Variants in ARFGEF3 observed in about 807,000 individuals in gnomAD.
The protein encoded by ARFGEF3 is brefeldin A-inhibited guanine nucleotide-exchange protein 3.
Under a neutral mutation model 221.7 loss-of-function variants are expected in ARFGEF3, and 96 were observed. The ratio of observed to expected loss-of-function variants is 0.43; its 90% CI spans 0.37 to 0.51. ARFGEF3 has a LOEUF of 0.51. Among genes scored for constraint, ARFGEF3 ranks in the 20% least tolerant of loss-of-function variants. The pLI is 0.00. For synonymous variants in ARFGEF3, 1,145 were observed against 1,126.8 expected (o/e 1.02, Z -0.32); for missense variants, 2,410 against 2,789.9 (o/e 0.86, Z 3.07).
At position 138,336,550 on chromosome 6, in the gene ARFGEF3, C is replaced by T. The variant is rs1216727591; in HGVS notation, c.*64C>T. On this transcript the variant is annotated 3_prime_UTR_variant, in exon 34 of 34. Transcript: ENST00000251691. ...GAGGGTTAGAGTCCTGCCAATACAG[C>T]TGTTGCATTTTCCCCACCACTAGCC... 2.2e-6 allele frequency: 3 copies of T among 1,352,724 alleles called. No homozygotes were observed. In the East Asian group the frequency reaches 7.5e-5, roughly 34 times the overall value. The allele number at this position is 1,352,724 out of a possible 1,614,324, so 83.8% of individuals were successfully genotyped here.
chr6:138,262,956 G>A lies in ARFGEF3; in HGVS notation c.1473G>A (p.Thr491=), dbSNP rs555638152. 18 of 1,600,520 alleles carry A rather than the reference G, an allele frequency of 1.1e-5. No homozygotes were observed. The highest frequency in any genetic ancestry group is 5.4e-5 in the African/African-American group (4 of 74,744). The change falls in exon 12 of 34, where the codon ACG becomes ACA. Residue 491 remains threonine (T), a synonymous_variant. Transcript: ENST00000251691. Reference sequence around the variant, plus strand: ...GGCGAGTGCTGTCCTCAGAACACACGCCGTGGGAGTCAGGGAACGAGAGGA... The same window carrying A: ...GGCGAGTGCTGTCCTCAGAACACACACCGTGGGAGTCAGGGAACGAGAGGA... ...WQRRVLSSEH[T]PWESGNERSL...
chr6:138,168,329 G>A (rs184573352), intron 1 of ARFGEF3, among the ~76,000 whole-genome samples: 12 of 152,312 alleles, frequency 7.9e-5, no homozygotes, highest in East Asian at 7.7e-4. Context: ...GGGTATTCAC[G>A]GAAAACCTTA....
At chr6:138,272,844 A>G (rs1252292443) in intron 12 of ARFGEF3, among the ~76,000 whole-genome samples, 1 of 152,272 alleles carries the variant, frequency 6.6e-6, no homozygotes, top group African/African-American at 2.4e-5. Context: ...TTTGGAAAAT[A>G]GTTTGTATGT....
intron 4 of ARFGEF3, among the ~76,000 whole-genome samples, chr6:138,227,957 C>T (rs1186371473): frequency 2.0e-5 from 3 of 152,106 alleles, no homozygotes; most frequent in Non-Finnish European, 4.4e-5. Flanking sequence ...GCCATGGGAC[C>T]ACCACTGTGT....
chr6:138,162,201 G>T lies in ARFGEF3; in HGVS notation c.85+30G>T, dbSNP rs762781072. 17 of 1,556,730 alleles carry T rather than the reference G, an allele frequency of 1.1e-5. No individual in the cohort carries two copies. Among genetic ancestry groups the T allele is most frequent in the Non-Finnish European group, 1.4e-5 (16 of 1,141,206 alleles). ...GCGTCCGGCACCTGCTCGCCGCGGC[G>T]GGAGGGCCGCGCGGCCGGGGCTGAA... On this transcript the variant is annotated intron_variant, in intron 1 of 33. Transcript: ENST00000251691. This position sits in a 1 kb window ranked among gnomAD's most constrained non-coding sequence, Gnocchi z 4.7.
At chr6:138,286,944 C>T (rs370372166) in intron 16 of ARFGEF3, 28 bp downstream of exon 16, 32 of 1,608,418 alleles carry the variant, frequency 2.0e-5, no homozygotes, top group Admixed American at 1.0e-4. Flanking sequence ...GTTCCCTGGC[C>T]GTGGTCCTGC....
At chr6:138,289,705 C>A in intron 17 of ARFGEF3, 113 bp from the exon 18 acceptor site, 1 of 1,140,908 alleles carries the variant, frequency 8.8e-7, no homozygotes, top group Non-Finnish European at 1.3e-6. Flanking sequence ...TGCTTGCTGC[C>A]ACTGAAGTCT....
chr6:138,269,479 C>A (rs966136377), intron 12 of ARFGEF3, among the ~76,000 whole-genome samples: 2 of 152,168 alleles, frequency 1.3e-5, no homozygotes, highest in African/African-American at 2.4e-5. Context: ...TATGCTGCCT[C>A]TGTCAGTTAG....
intron 8 of ARFGEF3, among the ~76,000 whole-genome samples, chr6:138,248,426 G>T (rs994012466): frequency 2.3e-4 from 35 of 152,200 alleles, no homozygotes; most frequent in African/African-American, 8.4e-4. Context: ...GGAATAGAAC[G>T]AAGACCACCA....
intron 2 of ARFGEF3, among the ~76,000 whole-genome samples, chr6:138,174,079 G>T (rs76259268): frequency 0.044 from 6,676 of 152,152 alleles, 169 homozygotes; most frequent in Middle Eastern, 0.092. Flanking sequence ...AAAACAATTT[G>T]GAAGGAAGAG....
intron 11 of ARFGEF3, among the ~76,000 whole-genome samples, chr6:138,261,943 C>T (rs1778804552): frequency 6.6e-6 from 1 of 152,076 alleles, no homozygotes; most frequent in African/African-American, 2.4e-5. Flanking sequence ...CATATGTAGC[C>T]CCCCTAGAAA....
At chr6:138,218,477 G>A (rs900271614) in intron 4 of ARFGEF3, 115 of 1,455,206 alleles carry the variant, frequency 7.9e-5, no homozygotes, top group African/African-American at 2.9e-4. Flanking sequence ...TAGCCACCTC[G>A]ATATATTTAA....
At chr6:138,282,555 G>A (rs1018950007) in intron 14 of ARFGEF3, among the ~76,000 whole-genome samples, 1 of 152,130 alleles carries the variant, frequency 6.6e-6, no homozygotes, top group Non-Finnish European at 1.5e-5. Flanking sequence ...TAGGAATCAG[G>A]CAGAAGGTCA....
chr6:138,284,327 A>G (rs1375277258), intron 14 of ARFGEF3, among the ~76,000 whole-genome samples: 2 of 152,068 alleles, frequency 1.3e-5, no homozygotes, highest in African/African-American at 4.8e-5. Context: ...ACAAAAACAA[A>G]CAAAAAACCC....
intron 31 of ARFGEF3, 148 bp downstream of exon 31, chr6:138,324,302 C>A: frequency 2.2e-6 from 2 of 896,612 alleles, no homozygotes; most frequent in Non-Finnish European, 3.3e-6. Context: ...CACTACCATT[C>A]TTTGCCAGAA....
intron 2 of ARFGEF3, among the ~76,000 whole-genome samples, chr6:138,175,162 G>T (rs1776915520): frequency 6.6e-6 from 1 of 152,208 alleles, no homozygotes; most frequent in Non-Finnish European, 1.5e-5. Flanking sequence ...AGCAACAAGG[G>T]TAGGAATTAA....
chr6:138,268,974 C>G (rs1022709235), intron 12 of ARFGEF3, among the ~76,000 whole-genome samples: 2 of 152,262 alleles, frequency 1.3e-5, no homozygotes, highest in African/African-American at 4.8e-5. Flanking sequence ...CACTTGGTCT[C>G]TGCCCTCCCT....
intron 19 of ARFGEF3, 68 bp from the exon 20 acceptor site, chr6:138,293,925 A>G: frequency 6.6e-7 from 1 of 1,505,108 alleles, no homozygotes; most frequent in Non-Finnish European, 9.1e-7. Flanking sequence ...AAATTACCAT[A>G]ATCATTCTGC....
Position 138,242,981 on chromosome 6 carries a change from T to G in ARFGEF3, c.573T>G (p.Asp191Glu). The G allele has an allele frequency of 6.2e-7, 1 of 1,612,346 alleles. No individual in the cohort carries two copies. The highest frequency in any genetic ancestry group is 8.5e-7 in the Non-Finnish European group (1 of 1,178,892). Reference sequence around the variant, plus strand: ...TTGAAAACCCAGATGTCCCACAGGATTTCGGGAATCAAGGTATGGCATTTG... The same window carrying G: ...TTGAAAACCCAGATGTCCCACAGGAGTTCGGGAATCAAGGTATGGCATTTG... ...TIIENPDVPQDFGNQGSTVES... is the reference protein window; with the variant it reads ...TIIENPDVPQEFGNQGSTVES... The change falls in exon 7 of 34, where the codon GAT becomes GAG. Residue 191 changes from aspartate (D) to glutamate (E), a missense_variant. Transcript: ENST00000251691.
Sources: gnomAD v4.1 joint callset for allele counts (sites outside exome capture counted in the v4.1 genomes callset) on GRCh38, gnomAD v4.1.1 for gene constraint, Gnocchi (gnomAD v3.1) non-coding constraint, MANE v1.5 for transcripts, NCBI Gene and HGNC (gene_info 2026-07-23, HGNC 2026-07-21) for gene names.